The following BFSP1 variants were observed in gnomAD, a reference collection of about 807,000 sequenced individuals.
BFSP1 encodes the protein beaded filament structural protein 1.
BFSP1 carries 38 observed loss-of-function variants against 43.9 expected under a neutral mutation model. The observed-to-expected ratio is 0.87, with a 90% CI of 0.67 to 1.14. The LOEUF (loss-of-function observed/expected upper bound fraction) is 1.14. Ranked by LOEUF, BFSP1 falls within the 50% of genes most tolerant of loss-of-function variation. BFSP1 has a pLI of 0.00. For synonymous variants in BFSP1, 352 were observed against 354.8 expected, an observed-to-expected ratio of 0.99 and a Z score of 0.09; for missense variants, 850 against 875.1, an observed-to-expected ratio of 0.97 and a Z score of 0.36.
chr20:17,541,587 A>C (rs563093983), intron 1 of BFSP1, among the ~76,000 whole-genome samples: 110 of 152,366 alleles, frequency 7.2e-4, no homozygotes, highest in Middle Eastern at 3.4e-3. Context: ...CATGAAAAGA[A>C]AAAGTTAATT....
At chr20:17,510,106 G>A (rs919531767) in intron 4 of BFSP1, among the ~76,000 whole-genome samples, 4 of 152,218 alleles carry the variant, frequency 2.6e-5, no homozygotes, top group African/African-American at 9.6e-5. Flanking sequence ...GACTCATAAA[G>A]ATGTGACACT....
chr20:17,558,656 A>T (rs2035034435), intron 1 of BFSP1: 2 of 1,549,528 alleles, frequency 1.3e-6, no homozygotes, highest in African/African-American at 2.7e-5. Flanking sequence ...TAAACCTAGA[A>T]TCCAACACTT....
At chr20:17,506,558 C>G (rs1023806495) in intron 5 of BFSP1, among the ~76,000 whole-genome samples, 1 of 137,896 alleles carries the variant, frequency 7.3e-6, no homozygotes, top group Non-Finnish European at 1.5e-5. Flanking sequence ...GGGTCTCATT[C>G]TGTTGCCCAG....
At chr20:17,568,202 C>T (rs979547996) in intron 1 of BFSP1, among the ~76,000 whole-genome samples, 2 of 152,094 alleles carry the variant, frequency 1.3e-5, no homozygotes, top group Admixed American at 6.6e-5. Flanking sequence ...CCAGACTGAC[C>T]TGCTGAGGGT....
Position 17,511,937 on chromosome 20 carries a change from C to T in BFSP1, c.627+39G>A, listed in dbSNP as rs774715331. On this transcript the variant is annotated intron_variant, in intron 4 of 7. Coordinates refer to ENST00000377873, the MANE Select transcript of BFSP1 (RefSeq NM_001195.5). The stretch of plus-strand genomic sequence containing the variant: ...CTGGGAGTCTCCAGGTACAGCTTCC[C>T]TCCAGGGCTGGTTTGCCTTTTCCTG... The T allele has an allele frequency of 1.6e-5, 25 of 1,538,796 alleles. No homozygotes were observed. The Admixed American group carries it at 2.0e-4, about 12-fold the overall frequency.
intron 2 of BFSP1, among the ~76,000 whole-genome samples, chr20:17,520,286 A>G (rs2034296332): frequency 6.7e-6 from 1 of 148,840 alleles, no homozygotes; most frequent in Non-Finnish European, 1.5e-5. Context: ...AATCTAGACT[A>G]TTTACAGCCA....
intron 2 of BFSP1, among the ~76,000 whole-genome samples, chr20:17,523,298 A>G (rs76030610): frequency 0.012 from 1,793 of 152,190 alleles, 33 homozygotes; most frequent in African/African-American, 0.041. Context: ...TTTGAAGAGT[A>G]CCCAGGATGG....
chr20:17,535,551 G>T (rs2034613602), upstream of BFSP1, among the ~76,000 whole-genome samples: 1 of 152,038 alleles, frequency 6.6e-6, no homozygotes, highest in Non-Finnish European at 1.5e-5. Context: ...AATATACTCT[G>T]AACTATCTAG....
intron 1 of BFSP1, among the ~76,000 whole-genome samples, chr20:17,553,004 T>C (rs981287862): frequency 2.0e-5 from 3 of 151,940 alleles, no homozygotes; most frequent in African/African-American, 7.3e-5. Context: ...ACTAAGGGAA[T>C]TAGTGCAGAG....
chr20:17,500,100 C>A (rs900379470), intron 5 of BFSP1, among the ~76,000 whole-genome samples: 3 of 152,110 alleles, frequency 2.0e-5, no homozygotes, highest in African/African-American at 7.2e-5. Flanking sequence ...GAAAAGTTTC[C>A]TTGTTCTCAT....
At chr20:17,534,565 C>T (rs941039136), upstream of BFSP1, among the ~76,000 whole-genome samples, 1 of 152,194 alleles carries the variant, frequency 6.6e-6, no homozygotes, top group Non-Finnish European at 1.5e-5. Flanking sequence ...TAGCCTATAT[C>T]TGACCATAAG....
At chr20:17,543,845 A>C (rs1176493093) in intron 1 of BFSP1, among the ~76,000 whole-genome samples, 1 of 152,264 alleles carries the variant, frequency 6.6e-6, no homozygotes, top group East Asian at 1.9e-4. Flanking sequence ...TAGCTACATG[A>C]CTTACACAAG....
chr20:17,550,318 A>G (rs1378096677), intron 1 of BFSP1, among the ~76,000 whole-genome samples: 2 of 151,996 alleles, frequency 1.3e-5, no homozygotes, highest in South Asian at 4.2e-4. Context: ...AATTTTTCTT[A>G]TATAGGGTCT....
intron 2 of BFSP1, chr20:17,517,194 C>T (rs1201451903): frequency 1.4e-5 from 12 of 845,160 alleles, no homozygotes; most frequent in Admixed American, 1.7e-5. Context: ...TCACCTTCAT[C>T]GAGAGTGCCC....
intron 2 of BFSP1, chr20:17,516,707 A>T: frequency 4.0e-6 from 1 of 251,082 alleles, no homozygotes; most frequent in Admixed American, 4.9e-5. Context: ...TATCTACCCA[A>T]GAGAACTGAA....
intron 5 of BFSP1, among the ~76,000 whole-genome samples, chr20:17,506,035 A>G (rs1022703758): frequency 2.0e-5 from 3 of 152,202 alleles, no homozygotes; most frequent in Non-Finnish European, 4.4e-5. Context: ...TCCCCTAAAA[A>G]CAGAAGTCAG....
Position 17,494,946 on chromosome 20 carries a change from T to C in BFSP1, c.1126A>G (p.Ile376Val), listed in dbSNP as rs769207170. Residue 376 changes from isoleucine to valine, a missense_variant, in exon 8 of 8, where the codon ATT becomes GTT. Physicochemically the swap from Ile to Val is conservative, Grantham distance 29 (BLOSUM62 3). Coordinates refer to ENST00000377873, the MANE Select transcript of BFSP1 (RefSeq NM_001195.5). ...LPKNVPRRKE[I>V]ITKDKTNGAL... ...CCGTTGGTTTTGTCTTTTGTTATAA[T>C]CTCTTTTCTCCTTGGAACATTCTTG... is the stretch of plus-strand genomic sequence containing the variant. 1.2e-6 allele frequency: 2 copies of C among 1,614,224 alleles called. No individual in the cohort carries two copies. The highest frequency in any genetic ancestry group is 1.1e-5 in the South Asian group (1 of 91,076).
intron 1 of BFSP1, among the ~76,000 whole-genome samples, chr20:17,530,149 C>G (rs926239556): frequency 3.3e-5 from 5 of 152,110 alleles, no homozygotes; most frequent in Admixed American, 3.3e-4. Flanking sequence ...AGCAAACTCC[C>G]GGGTGATGCC....
intron 1 of BFSP1, among the ~76,000 whole-genome samples, chr20:17,567,953 GAAA>G (rs539167972): frequency 1.5e-5 from 2 of 136,010 alleles, no homozygotes; most frequent in Non-Finnish European, 1.6e-5. Context: ...TACGGGGCAC[GAAA>G]AAAAAAAAAA....
Sources: gnomAD v4.1 joint callset for allele counts (sites outside exome capture counted in the v4.1 genomes callset) on GRCh38, gnomAD v4.1.1 for gene constraint, MANE v1.5 for transcripts, NCBI Gene and HGNC (gene_info 2026-07-23, HGNC 2026-07-21) for gene names.